Variants in APOOL observed in about 807,000 individuals in gnomAD.
APOOL encodes the protein apolipoprotein O like.
APOOL carries 12 observed loss-of-function variants against 23.1 expected under a neutral mutation model. The observed-to-expected ratio is 0.52, with a 90% CI of 0.33 to 0.84. APOOL has a LOEUF of 0.84. Ranked by LOEUF, APOOL falls within the 40% of genes least tolerant of loss-of-function variation. The probability of loss-of-function intolerance (pLI) is 0.02; values close to 1 mark genes in which losing one functional copy is unlikely to be tolerated. For missense variants in APOOL, 212 were observed against 199.6 expected (o/e 1.06, Z -0.37); for synonymous variants, 77 against 69.9 (o/e 1.10, Z -0.51).
intron 8 of APOOL, among the ~76,000 whole-genome samples, chrX:85,077,014 T>TATATATATATATATAC (rs1923865017): frequency 1.0e-5 from 1 of 96,959 alleles, no homozygotes; most frequent in African/African-American, 4.0e-5. Flanking sequence ...TATATATATA[T>TATATATATATATATAC]ATACGTATAT....
At chrX:85,049,309 T>C (rs778191421) in intron 2 of APOOL, among the ~76,000 whole-genome samples, 1 of 111,559 alleles carries the variant, frequency 9.0e-6, no homozygotes, top group South Asian at 3.8e-4. Flanking sequence ...ATTCTTAAAG[T>C]AGAGCTGAAA....
chrX:85,020,903 C>A (rs1166303051), intron 1 of APOOL, among the ~76,000 whole-genome samples: 3 of 111,829 alleles, frequency 2.7e-5, no homozygotes, highest in Admixed American at 9.4e-5. Context: ...TCAGTAGCTC[C>A]AGGCTCTAGA....
At chrX:85,086,292 C>T (rs1465330334) in intron 8 of APOOL, among the ~76,000 whole-genome samples, 2 of 111,814 alleles carry the variant, frequency 1.8e-5, no homozygotes, top group Non-Finnish European at 3.8e-5. Flanking sequence ...TTCTTTCCTA[C>T]ATTCTCCTAA....
intron 2 of APOOL, 127 bp downstream of exon 2, chrX:85,046,677 T>A: frequency 3.7e-6 from 2 of 534,648 alleles, no homozygotes; most frequent in Non-Finnish European, 6.1e-6. Context: ...TATTAAAAGT[T>A]GAGAGAAATA....
chrX:85,023,732 T>C (rs1380506708), intron 1 of APOOL, among the ~76,000 whole-genome samples: 1 of 111,828 alleles, frequency 8.9e-6, no homozygotes, highest in Non-Finnish European at 1.9e-5. Context: ...CAGAGTAGAG[T>C]CCAGAGTAAG....
At chrX:85,004,412 G>C (rs2042791529) in intron 1 of APOOL, among the ~76,000 whole-genome samples, 1 of 111,839 alleles carries the variant, frequency 8.9e-6, no homozygotes, top group Non-Finnish European at 1.9e-5. Context: ...ACATAGTGTT[G>C]TTGCTTTCTG....
intron 1 of APOOL, among the ~76,000 whole-genome samples, chrX:85,033,184 T>C (rs1198671229): frequency 1.8e-5 from 2 of 112,283 alleles, no homozygotes; most frequent in Non-Finnish European, 3.8e-5. Flanking sequence ...AGTGTTTTTC[T>C]GTTCTCCAAA....
chrX:85,025,554 GT>G (rs1166123507), intron 1 of APOOL, among the ~76,000 whole-genome samples: 2 of 112,261 alleles, frequency 1.8e-5, no homozygotes, highest in Admixed American at 1.9e-4. Context: ...TAAAAGACAG[GT>G]TTTTTATTTG....
intron 1 of APOOL, among the ~76,000 whole-genome samples, chrX:85,041,031 T>C (rs1922384653): frequency 1.8e-5 from 2 of 111,885 alleles, no homozygotes; most frequent in Non-Finnish European, 3.8e-5. Flanking sequence ...ATGTTTGATG[T>C]TGCTGTCCTT....
intron 8 of APOOL, among the ~76,000 whole-genome samples, chrX:85,086,786 G>A (rs1463971416): frequency 1.4e-5 from 1 of 72,066 alleles, no homozygotes; most frequent in Admixed American, 1.7e-4. Context: ...TGCAAGCTCC[G>A]CTTCCCGGGT....
chrX:85,079,964 A>C (rs57356851), intron 8 of APOOL, among the ~76,000 whole-genome samples: 1 of 111,051 alleles, frequency 9.0e-6, no homozygotes, highest in African/African-American at 3.3e-5. Flanking sequence ...TATTGCATCT[A>C]TTTGATTCTT....
intron 8 of APOOL, among the ~76,000 whole-genome samples, chrX:85,077,023 ATATATGTATGTATATATATACG>A (rs1350440870): frequency 2.0e-5 from 2 of 98,232 alleles, no homozygotes; most frequent in African/African-American, 7.7e-5. Flanking sequence ...ATATACGTAT[ATATATGTATGTATATATATACG>A]TATATGTATA....
chrX:85,086,297 T>C (rs1924287851), intron 8 of APOOL, among the ~76,000 whole-genome samples: 1 of 111,761 alleles, frequency 8.9e-6, no homozygotes, highest in Admixed American at 9.5e-5. Flanking sequence ...TCCTACATTC[T>C]CCTAACCCTC....
intron 1 of APOOL, among the ~76,000 whole-genome samples, chrX:85,016,604 C>G (rs1339931480): frequency 9.1e-6 from 1 of 109,809 alleles, no homozygotes; most frequent in African/African-American, 3.3e-5. Flanking sequence ...CCTGTCTATA[C>G]ATTCCTCTAG....
rs184418127 is a variant in APOOL at position 85,064,619 on chromosome X, G to A, written c.395-2508G>A. ...AGTTTCAAAGAACATCTTGATCTCT[G>A]CCTTAATTTCATTATTTACCCAGAA... On this transcript the variant is annotated intron_variant, in intron 5 of 8. Transcript: ENST00000373173. Among the ~76,000 whole-genome samples the A allele has an allele frequency of 9.5e-4, 106 of 111,176 alleles. 1 individual carries two copies. The highest frequency in any genetic ancestry group is 4.1e-4 in the Non-Finnish European group (22 of 53,016).
At chrX:85,079,168 C>T (rs1417806566) in intron 8 of APOOL, among the ~76,000 whole-genome samples, 1 of 111,668 alleles carries the variant, frequency 9.0e-6, no homozygotes, top group Non-Finnish European at 1.9e-5. Context: ...TGTCTTGTGC[C>T]TGTTTTCAAA....
At chrX:85,019,352 T>TA (rs1475852705) in intron 1 of APOOL, among the ~76,000 whole-genome samples, 1 of 112,493 alleles carries the variant, frequency 8.9e-6, no homozygotes, top group Non-Finnish European at 1.9e-5. Context: ...TGTACTTACT[T>TA]CTTCTGCCAT....
At chrX:85,046,805 C>T (rs1449430397) in intron 2 of APOOL, among the ~76,000 whole-genome samples, 1 of 111,376 alleles carries the variant, frequency 9.0e-6, no homozygotes, top group African/African-American at 3.3e-5. Context: ...GGGTGTTAGA[C>T]GTTCTAGGCA....
intron 6 of APOOL, among the ~76,000 whole-genome samples, chrX:85,070,348 A>G (rs1306432083): frequency 9.0e-6 from 1 of 111,325 alleles, no homozygotes; most frequent in African/African-American, 3.3e-5. Flanking sequence ...CCAGTTACTC[A>G]TCATTTTGAA....
Sources: gnomAD v4.1 joint callset for allele counts (sites outside exome capture counted in the v4.1 genomes callset) on GRCh38, gnomAD v4.1.1 for gene constraint, MANE v1.5 for transcripts, NCBI Gene and HGNC (gene_info 2026-07-23, HGNC 2026-07-21) for gene names.